TBXT: variants seen among roughly 807,000 people sequenced by gnomAD.
TBXT encodes T brachyury transcription factor.
Under a neutral mutation model 41.1 loss-of-function variants are expected in TBXT, and 19 were observed. The ratio of observed to expected loss-of-function variants is 0.46; its 90% confidence interval spans 0.32 to 0.68. TBXT has a LOEUF of 0.68. Ranked by LOEUF, TBXT falls within the 30% of genes least tolerant of loss-of-function variation. TBXT has a pLI of 0.03. For synonymous variants in TBXT, 213 were observed against 238.9 expected, an observed-to-expected ratio of 0.89 and a Z score of 1.00; for missense variants, 536 against 582.0, an observed-to-expected ratio of 0.92 and a Z score of 0.81.
chr6:166,161,757 C>A (rs1778962593), intron 6 of TBXT, among the ~76,000 whole-genome samples: 1 of 152,196 alleles, frequency 6.6e-6, no homozygotes, highest in Non-Finnish European at 1.5e-5. Flanking sequence ...CCCGTCTCTA[C>A]TAAAAATACA....
Position 166,158,010 on chromosome 6 carries a change from A to G in TBXT, c.*305T>C, listed in dbSNP as rs1778832476. 5.8e-6 allele frequency: 3 copies of G among 518,618 alleles called. No homozygotes were observed. Among genetic ancestry groups the G allele is most frequent in the Non-Finnish European group, 1.0e-5 (3 of 287,186 alleles). 32.1% of individuals were successfully genotyped at this position (518,618 alleles called of 1,614,324 possible). A position where few individuals can be genotyped will look rare whatever the true frequency, so the allele number is the denominator to read the frequency against. ...ACTGTATGAGAAATAAACCAAAAAA[A>G]GTTTCTGGACCCTGGCAAACATTTT... On this transcript the variant is annotated 3_prime_UTR_variant, in exon 8 of 8. Transcript: ENST00000366876.
Position 166,158,445 on chromosome 6 carries a change from G to A in TBXT, c.1181C>T (p.Pro394Leu), listed in dbSNP as rs868111012. The A allele has an allele frequency of 2.5e-6, 4 of 1,614,048 alleles. No individual in the cohort carries two copies. The African/African-American group carries it at 4.0e-5, about 16-fold the overall frequency. Residue 394 changes from proline to leucine, a missense_variant, in exon 8 of 8, where the codon CCC becomes CTC. Coordinates refer to ENST00000366876, the MANE Select transcript of TBXT (RefSeq NM_001366285.2). ...YTPLTHPVSA[P>L]SSSGSPLYEG... ...GTACAGTGGGGATCCCGAGGAAGAGGGCGCCGAGACCGGATGGGTGAGGGG... is the reference window on the plus strand; with the variant it reads ...GTACAGTGGGGATCCCGAGGAAGAGAGCGCCGAGACCGGATGGGTGAGGGG...
upstream of TBXT, chr6:166,168,244 G>A (rs949837390): frequency 1.3e-5 from 2 of 150,260 alleles, 1 homozygote; most frequent in Admixed American, 1.3e-4. Flanking sequence ...GATGCTCCCT[G>A]ATTCCCGCGC....
chr6:166,158,734 T>C, intron 7 of TBXT, 146 bp from the exon 8 acceptor site: 3 of 987,950 alleles, frequency 3.0e-6, no homozygotes, highest in Non-Finnish European at 4.3e-6. Context: ...CTCCAAATTA[T>C]TAAAGGACTC....
In TBXT at chr6:166,162,518, C is replaced by T. The variant is rs1403480431; in HGVS notation, c.836G>A (p.Arg279Lys). The change falls in exon 6 of 8, where the codon AGG becomes AAG. Residue 279 changes from arginine (R) to lysine (K), a missense_variant. Coordinates refer to ENST00000366876, the MANE Select transcript of TBXT (RefSeq NM_001366285.2). ...CCGGTGGCTCCTCAGGGTTGGGTACCTGTCACAGCTGTGCGTGGAGGGGAG... is the reference window on the plus strand; with the variant it reads ...CCGGTGGCTCCTCAGGGTTGGGTACTTGTCACAGCTGTGCGTGGAGGGGAG... ...LSLPSTHSCD[R>K]YPTLRSHRSS... 6.2e-7 allele frequency: 1 copy of T among 1,614,110 alleles called. No individual in the cohort carries two copies. Among genetic ancestry groups the T allele is most frequent in the East Asian group, 2.2e-5 (1 of 44,876 alleles).
At chr6:166,160,424 C>G (rs554258985) in intron 7 of TBXT, among the ~76,000 whole-genome samples, 1 of 152,184 alleles carries the variant, frequency 6.6e-6, no homozygotes, top group Non-Finnish European at 1.5e-5. Context: ...ACCCCAACAA[C>G]CCTGTAGGAG....
rs1235221551 is a variant in TBXT, at chr6:166,160,956, G to T, written c.918C>A (p.Asp306Glu). 2.5e-6 allele frequency: 4 copies of T among 1,613,902 alleles called. No individual in the cohort carries two copies. The African/African-American group carries it at 5.3e-5, about 22-fold the overall frequency. The change falls in exon 7 of 8, where the codon GAC becomes GAA. Residue 306 changes from aspartate (D) to glutamate (E), a missense_variant. By Grantham distance (45) the Asp-to-Glu change is conservative. Transcript: ENST00000366876. ...AHRNNSPTYS[D>E]NSPACLSMLQ... ...GCATGGATAAACATGCAGGTGAGTT[G>T]TCAGAATAGGCTAAGGGGGGAAGGT...
At chr6:166,164,890 T>C (rs772806210) in intron 3 of TBXT, 29 bp from the exon 4 acceptor site, 4 of 1,582,350 alleles carry the variant, frequency 2.5e-6, no homozygotes, top group Middle Eastern at 2.2e-4. Flanking sequence ...CATTTACTAG[T>C]ATATTCCCTA....
chr6:166,158,442 G>C lies in TBXT; in HGVS notation c.1184C>G (p.Ser395Cys). The change falls in exon 8 of 8, where the codon TCT becomes TGT. Residue 395 changes from serine (S) to cysteine (C), a missense_variant. Ser to Cys is a moderately radical substitution (Grantham distance 112, BLOSUM62 -1). Transcript: ENST00000366876. ...TPLTHPVSAP[S>C]SSGSPLYEGA... ...TTCGTACAGTGGGGATCCCGAGGAA[G>C]AGGGCGCCGAGACCGGATGGGTGAG... 6.2e-7 allele frequency: 1 copy of C among 1,614,176 alleles called. No homozygotes were observed. The highest frequency in any genetic ancestry group is 1.7e-5 in the Admixed American group (1 of 60,034).
At chr6:166,159,447 A>G (rs897230324) in intron 7 of TBXT, among the ~76,000 whole-genome samples, 1 of 152,178 alleles carries the variant, frequency 6.6e-6, no homozygotes, top group South Asian at 2.1e-4. Flanking sequence ...GTGTGCTAGC[A>G]TGGTGCCCAG....
chr6:166,168,058 C>A (rs1381076936), upstream of TBXT, among the ~76,000 whole-genome samples: 1 of 152,124 alleles, frequency 6.6e-6, no homozygotes, highest in Non-Finnish European at 1.5e-5. Context: ...TCCGGGGCCC[C>A]AGCCCTGCGA....
rs761519813 is a variant in TBXT, at chr6:166,167,604, C to T, written c.-13G>A. The T allele has an allele frequency of 2.6e-6, 4 of 1,544,842 alleles. No individual in the cohort carries two copies. The highest frequency in any genetic ancestry group is 1.2e-5 in the South Asian group (1 of 84,760). ...CAGGGGAGCTCATCCTCCCGTCCGG[C>T]TCCCCTCCCCGCCGTCCCCGAAGCC... On this transcript the variant is annotated 5_prime_UTR_variant, in exon 1 of 8. Transcript: ENST00000366876.
Position 166,158,412 on chromosome 6 carries a change from G to A in TBXT, c.1214C>T (p.Ala405Val), listed in dbSNP as rs761554301. Reference protein sequence around the residue: ...SSSGSPLYEGAAAATDIVDSQ... With the variant: ...SSSGSPLYEGVAAATDIVDSQ... The stretch of plus-strand genomic sequence containing the variant: ...GTCCACGATGTCTGTGGCCGCGGCC[G>A]CCCCTTCGTACAGTGGGGATCCCGA... The change falls in exon 8 of 8, where the codon GCG becomes GTG. Residue 405 changes from alanine to valine, a missense_variant. Physicochemically the swap from Ala to Val is moderately conservative, Grantham distance 64 (BLOSUM62 0). Transcript: ENST00000366876. 3 of 1,614,080 alleles carry A rather than the reference G, an allele frequency of 1.9e-6. No individual in the cohort carries two copies. Among genetic ancestry groups the A allele is most frequent in the Admixed American group, 1.7e-5 (1 of 60,008 alleles).
At chr6:166,163,273 C>T (rs752490515) in intron 5 of TBXT, among the ~76,000 whole-genome samples, 1 of 152,070 alleles carries the variant, frequency 6.6e-6, no homozygotes, top group Non-Finnish European at 1.5e-5. Flanking sequence ...GGGGTAGACC[C>T]TTTTACTGCT....
chr6:166,166,660 G>A lies in TBXT; in HGVS notation c.403C>T (p.His135Tyr). The change falls in exon 2 of 8, where the codon CAC becomes TAC. Residue 135 changes from histidine to tyrosine, a missense_variant. Transcript: ENST00000366876. ...AAGGAGACGGGAGCCTTCATCCAGTGGGCCCCGAAGTTGGGCGAGTCGGGG... is the reference window on the plus strand; with the variant it reads ...AAGGAGACGGGAGCCTTCATCCAGTAGGCCCCGAAGTTGGGCGAGTCGGGG... ...IHPDSPNFGAHWMKAPVSFSK... is the reference protein window; with the variant it reads ...IHPDSPNFGAYWMKAPVSFSK... The A allele has an allele frequency of 1.2e-6, 2 of 1,614,068 alleles. No individual in the cohort carries two copies. The highest frequency in any genetic ancestry group is 1.1e-5 in the South Asian group (1 of 91,086).
Position 166,167,452 on chromosome 6 carries a change from T to A in TBXT, c.140A>T (p.Glu47Val). Reference protein sequence around the residue: ...PTERELRVGLEESELWLRFKE... With the variant: ...PTERELRVGLVESELWLRFKE... ...GAAGCGCAGCCACAGCTCGCTCTCC[T>A]CCAGGCCCACGCGCAGTTCGCGCTC... Residue 47 changes from glutamate (E) to valine (V), a missense_variant, in exon 1 of 8, where the codon GAG becomes GTG. Glu to Val is a moderately radical substitution (Grantham distance 121). Transcript: ENST00000366876. The A allele has an allele frequency of 6.2e-7, 1 of 1,613,062 alleles. No individual in the cohort carries two copies. The highest frequency in any genetic ancestry group is 8.5e-7 in the Non-Finnish European group (1 of 1,179,950).
intron 7 of TBXT, among the ~76,000 whole-genome samples, chr6:166,159,959 TG>T (rs5881682): frequency 0.61 from 93,316 of 151,760 alleles, 28,783 homozygotes; most frequent in East Asian, 0.84. Context: ...CGCGGGCAAT[TG>T]AATTCTTATT....
intron 6 of TBXT, 90 bp from the exon 7 acceptor site, chr6:166,161,056 C>A (rs935967655): frequency 3.3e-6 from 5 of 1,529,996 alleles, no homozygotes; most frequent in Admixed American, 1.7e-5. Flanking sequence ...ACTGAAGCTA[C>A]GTAACACTGA....
chr6:166,164,471 G>T (rs2305088), intron 5 of TBXT, 134 bp downstream of exon 5: 1 of 1,044,232 alleles, frequency 9.6e-7, no homozygotes. Context: ...CAAGAGCCTC[G>T]CATGGCAAAA....
Sources: allele counts gnomAD v4.1 joint callset (sites outside exome capture counted in the v4.1 genomes callset), GRCh38; gene constraint gnomAD v4.1.1; transcripts MANE v1.5; gene names NCBI Gene and HGNC (gene_info 2026-07-23, HGNC 2026-07-21).